The following NELL1 variants were observed in gnomAD, a reference collection of about 807,000 sequenced individuals.
NELL1 encodes protein kinase C-binding protein NELL1.
NELL1 carries 76 observed loss-of-function variants against 107.4 expected under a neutral mutation model. The observed-to-expected ratio is 0.71, with a 90% CI of 0.59 to 0.86. NELL1 has a LOEUF of 0.86. Among genes scored for constraint, NELL1 ranks in the 40% least tolerant of loss-of-function variants. The probability of loss-of-function intolerance (pLI) is 0.00; values close to 1 mark genes in which losing one functional copy is unlikely to be tolerated. For synonymous variants in NELL1, 353 were observed against 341.2 expected, an observed-to-expected ratio of 1.03 and a Z score of -0.38; for missense variants, 1,024 against 1,005.5, an observed-to-expected ratio of 1.02 and a Z score of -0.25.
At chr11:21,159,058 G>A (rs1488584582) in intron 13 of NELL1, among the ~76,000 whole-genome samples, 4 of 152,168 alleles carry the variant, frequency 2.6e-5, no homozygotes, top group African/African-American at 9.6e-5. Context: ...TTATTATTGA[G>A]ACCAAGATCC....
At chr11:20,995,478 T>G (rs1280797846) in intron 12 of NELL1, among the ~76,000 whole-genome samples, 1 of 152,008 alleles carries the variant, frequency 6.6e-6, no homozygotes, top group African/African-American at 2.4e-5. Flanking sequence ...CTCCGGAGGC[T>G]GAGGCAGGAG....
intron 12 of NELL1, among the ~76,000 whole-genome samples, chr11:21,082,277 G>A (rs190523324): frequency 3.3e-5 from 5 of 152,094 alleles, no homozygotes; most frequent in Admixed American, 2.0e-4. Flanking sequence ...CTGTTGATGG[G>A]GATGCACTAC....
intron 13 of NELL1, among the ~76,000 whole-genome samples, chr11:21,224,443 G>C (rs938649129): frequency 6.6e-6 from 1 of 150,870 alleles, no homozygotes; most frequent in Non-Finnish European, 1.5e-5. Flanking sequence ...CCTCACTCTG[G>C]TCTCAAACTC....
chr11:20,907,996 A>G (rs1301298622), intron 5 of NELL1, among the ~76,000 whole-genome samples: 4 of 152,188 alleles, frequency 2.6e-5, no homozygotes, highest in African/African-American at 9.6e-5. Context: ...TCAAAATGAT[A>G]ATGAGATACC....
chr11:21,511,389 C>A (rs879708390), intron 15 of NELL1, among the ~76,000 whole-genome samples: 9 of 152,130 alleles, frequency 5.9e-5, no homozygotes, highest in Admixed American at 1.3e-4. Flanking sequence ...CAGAGAAGCG[C>A]CCTCCACTAA....
chr11:21,137,066 G>A (rs1024319052), intron 13 of NELL1, among the ~76,000 whole-genome samples: 2 of 152,132 alleles, frequency 1.3e-5, no homozygotes, highest in Admixed American at 6.5e-5. Flanking sequence ...GGAGGCATGT[G>A]GTAAAGAAAG....
At chr11:21,075,270 C>G (rs1289575235) in intron 12 of NELL1, among the ~76,000 whole-genome samples, 2 of 152,126 alleles carry the variant, frequency 1.3e-5, no homozygotes, top group Non-Finnish European at 2.9e-5. Context: ...TGATCTATCC[C>G]TTGTTTGTTG....
chr11:21,048,528 C>T (rs746358738), intron 12 of NELL1, among the ~76,000 whole-genome samples: 12 of 152,096 alleles, frequency 7.9e-5, no homozygotes, highest in Non-Finnish European at 1.2e-4. Context: ...CCTTGCTTCT[C>T]ATCCTCCCTC....
intron 2 of NELL1, among the ~76,000 whole-genome samples, chr11:20,684,560 A>C (rs1854262902): frequency 6.6e-6 from 1 of 152,140 alleles, no homozygotes; most frequent in African/African-American, 2.4e-5. Context: ...TAATTGTATC[A>C]GTGCTGGGCC....
chr11:21,195,057 A>T (rs1478578914), intron 13 of NELL1, among the ~76,000 whole-genome samples: 1 of 152,150 alleles, frequency 6.6e-6, no homozygotes, highest in South Asian at 2.1e-4. Flanking sequence ...TAGGAAACTA[A>T]TGTCTCTGAG....
At chr11:21,240,775 G>A (rs1439342610) in intron 14 of NELL1, among the ~76,000 whole-genome samples, 2 of 142,588 alleles carry the variant, frequency 1.4e-5, no homozygotes, top group African/African-American at 2.6e-5. Flanking sequence ...GTGGGGGGGG[G>A]GAGGGGGGAG....
chr11:21,165,570 G>A (rs1565092097), intron 13 of NELL1, among the ~76,000 whole-genome samples: 1 of 151,890 alleles, frequency 6.6e-6, no homozygotes, highest in Non-Finnish European at 1.5e-5. Flanking sequence ...CCCACCCCTA[G>A]GTGTATACCT....
intron 11 of NELL1, among the ~76,000 whole-genome samples, chr11:20,959,091 G>A (rs1851237484): frequency 6.6e-6 from 1 of 152,094 alleles, no homozygotes; most frequent in Admixed American, 6.6e-5. Context: ...ATCCTTTGTT[G>A]AATGAATGAA....
intron 14 of NELL1, among the ~76,000 whole-genome samples, chr11:21,266,665 C>T (rs143886007): frequency 2.2e-4 from 33 of 152,012 alleles, no homozygotes; most frequent in African/African-American, 6.3e-4. Context: ...TGGTGGTCCC[C>T]GGTTTTGTCA....
intron 2 of NELL1, among the ~76,000 whole-genome samples, chr11:20,707,709 C>T (rs1351903760): frequency 6.6e-6 from 1 of 152,212 alleles, no homozygotes; most frequent in Non-Finnish European, 1.5e-5. Context: ...GCAGATGTTG[C>T]TGTCTGATCC....
At chr11:21,480,325 T>C (rs1854461542) in intron 15 of NELL1, among the ~76,000 whole-genome samples, 1 of 152,150 alleles carries the variant, frequency 6.6e-6, no homozygotes, top group Admixed American at 6.6e-5. Flanking sequence ...CCACAAATTG[T>C]CTCTCTGTTC....
intron 2 of NELL1, among the ~76,000 whole-genome samples, chr11:20,778,767 C>G (rs963623189): frequency 2.0e-5 from 3 of 151,538 alleles, no homozygotes; most frequent in Admixed American, 6.6e-5. Flanking sequence ...TCCAAGTACA[C>G]CCCCAGGGTT....
intron 4 of NELL1, among the ~76,000 whole-genome samples, chr11:20,869,224 A>G (rs1849151431): frequency 6.6e-6 from 1 of 152,160 alleles, no homozygotes; most frequent in Admixed American, 6.5e-5. Flanking sequence ...ATGCCCAGTC[A>G]GTTATATGTT....
chr11:20,928,624 G>A, intron 9 of NELL1, 145 bp downstream of exon 9: 1 of 684,838 alleles, frequency 1.5e-6, no homozygotes, highest in Non-Finnish European at 2.5e-6. Context: ...GGTAAGAAGA[G>A]CCACAATATT....
Sources: allele counts gnomAD v4.1 joint callset (sites outside exome capture counted in the v4.1 genomes callset), GRCh38; gene constraint gnomAD v4.1.1; transcripts MANE v1.5; gene names NCBI Gene and HGNC (gene_info 2026-07-23, HGNC 2026-07-21).